ESR1: variants seen among roughly 807,000 people sequenced by gnomAD.
ESR1 encodes the protein estrogen receptor 1.
Under a neutral mutation model 52.7 loss-of-function variants are expected in ESR1, and 12 were observed. That is an observed-to-expected ratio of 0.23 (90% CI 0.15 to 0.37). ESR1 has a LOEUF of 0.37. ESR1 is among the 10% of genes least tolerant of loss of function. The pLI is 1.00. For missense variants in ESR1, 584 were observed against 779.7 expected (o/e 0.75, Z 2.99); for synonymous variants, 305 against 316.8 (o/e 0.96, Z 0.39).
intron 3 of ESR1, among the ~76,000 whole-genome samples, chr6:151,889,814 T>A (rs1285714506): frequency 6.6e-6 from 1 of 152,208 alleles, no homozygotes; most frequent in South Asian, 2.1e-4. Context: ...GAAAATACTC[T>A]TGCTGCATCC....
chr6:152,060,390 A>C (rs1360072123), intron 5 of ESR1, among the ~76,000 whole-genome samples: 1 of 152,090 alleles, frequency 6.6e-6, no homozygotes, highest in African/African-American at 2.4e-5. Context: ...AGGCATTCAC[A>C]TCTCTGCTTG....
At chr6:151,992,018 C>T (rs907344639) in intron 4 of ESR1, among the ~76,000 whole-genome samples, 12 of 152,214 alleles carry the variant, frequency 7.9e-5, no homozygotes, top group East Asian at 1.9e-4. Flanking sequence ...TCTCTGGTGT[C>T]GGGGAAGGCT....
chr6:152,031,106 A>G (rs2044657581), intron 5 of ESR1, among the ~76,000 whole-genome samples: 3 of 152,246 alleles, frequency 2.0e-5, no homozygotes, highest in South Asian at 4.1e-4. Context: ...CAAAGACACA[A>G]CATACCAGAA....
At chr6:151,995,755 CTTGAATCACA>C (rs2041424655) in intron 4 of ESR1, among the ~76,000 whole-genome samples, 1 of 152,114 alleles carries the variant, frequency 6.6e-6, no homozygotes, top group Non-Finnish European at 1.5e-5. Context: ...ATTGAATCAC[CTTGAATCACA>C]ATGAGTACAA....
intron 2 of ESR1, among the ~76,000 whole-genome samples, chr6:151,730,009 T>C (rs746130083): frequency 2.0e-5 from 3 of 152,208 alleles, no homozygotes; most frequent in Non-Finnish European, 4.4e-5. Context: ...GCCTCCATTC[T>C]GAATTGTGCC....
chr6:151,974,194 T>G (rs776910158), intron 4 of ESR1, among the ~76,000 whole-genome samples: 1 of 152,238 alleles, frequency 6.6e-6, no homozygotes, highest in Non-Finnish European at 1.5e-5. Flanking sequence ...TAAAATGTAC[T>G]GAACAGGAAA....
intron 4 of ESR1, among the ~76,000 whole-genome samples, chr6:152,004,049 G>T (rs2042156416): frequency 6.6e-6 from 1 of 151,848 alleles, no homozygotes; most frequent in Admixed American, 6.6e-5. Flanking sequence ...ATTTCTTGAA[G>T]GGCTTTATAA....
At chr6:151,978,426 A>G (rs1323566338) in intron 4 of ESR1, among the ~76,000 whole-genome samples, 2 of 152,328 alleles carry the variant, frequency 1.3e-5, no homozygotes, top group Admixed American at 6.5e-5. Context: ...AAGAGGAGAT[A>G]GTAAAGAGGA....
intron 5 of ESR1, among the ~76,000 whole-genome samples, chr6:152,060,553 C>T (rs962810812): frequency 2.0e-5 from 3 of 152,202 alleles, no homozygotes; most frequent in East Asian, 1.9e-4. Flanking sequence ...ACCATCAGGA[C>T]TTGTTACATT....
chr6:151,657,990 A>G (rs1777513669), intron 1 of ESR1, among the ~76,000 whole-genome samples: 1 of 152,234 alleles, frequency 6.6e-6, no homozygotes, highest in Non-Finnish European at 1.5e-5. Context: ...CCCAAAAAAC[A>G]TTGGAAAATT....
chr6:151,876,924 C>T (rs1339592113), intron 2 of ESR1, among the ~76,000 whole-genome samples: 3 of 151,652 alleles, frequency 2.0e-5, no homozygotes, highest in South Asian at 2.1e-4. Context: ...AAGGACTTTT[C>T]GGGCCAGTCT....
At chr6:151,881,584 A>G (rs1792921433) in intron 3 of ESR1, among the ~76,000 whole-genome samples, 1 of 152,306 alleles carries the variant, frequency 6.6e-6, no homozygotes, top group Middle Eastern at 3.4e-3. Flanking sequence ...CTAGTCTTGG[A>G]TAGCCTTCAG....
At chr6:151,669,513 G>A (rs1777974091) in intron 1 of ESR1, among the ~76,000 whole-genome samples, 1 of 152,132 alleles carries the variant, frequency 6.6e-6, no homozygotes, top group African/African-American at 2.4e-5. Context: ...GGGGAGGTGG[G>A]GTATCAAGTC....
At chr6:151,745,510 A>T (rs1203183582) in intron 2 of ESR1, among the ~76,000 whole-genome samples, 4 of 152,216 alleles carry the variant, frequency 2.6e-5, no homozygotes, top group African/African-American at 9.6e-5. Flanking sequence ...TTTTATGGGT[A>T]GACTAACATT....
At chr6:151,983,599 A>C (rs2040189275) in intron 4 of ESR1, 2 of 152,150 alleles carry the variant, frequency 1.3e-5, no homozygotes, top group Admixed American at 1.3e-4. Flanking sequence ...TCCAATGGAA[A>C]AAAAGCTTTT....
chr6:151,971,410 C>T (rs533790418), intron 4 of ESR1, among the ~76,000 whole-genome samples: 34 of 152,186 alleles, frequency 2.2e-4, no homozygotes, highest in Non-Finnish European at 4.0e-4. Flanking sequence ...ATACCCATAG[C>T]TTAGCTCCCA....
At chr6:151,933,089 T>C (rs1376645739) in intron 3 of ESR1, among the ~76,000 whole-genome samples, 1 of 151,950 alleles carries the variant, frequency 6.6e-6, no homozygotes, top group East Asian at 1.9e-4. Flanking sequence ...CCCATGAGCA[T>C]GGAATGTTCT....
chr6:151,891,513 C>A (rs1026621282), intron 3 of ESR1, among the ~76,000 whole-genome samples: 1 of 152,040 alleles, frequency 6.6e-6, no homozygotes, highest in African/African-American at 2.4e-5. Context: ...TGGTTGTGAT[C>A]AGGCTAATGG....
In ESR1 at chr6:152,099,956, G is replaced by C. The variant is rs772743988; in HGVS notation, c.*990G>C. On this transcript the variant is annotated 3_prime_UTR_variant, in exon 8 of 8. Transcript: ENST00000206249. Reference sequence around the variant, plus strand: ...GTAGTTGAAAGGAGCAGGGGCCCTGGTGTTGCATTTAGCCCTGGGGCATGG... The same window carrying C: ...GTAGTTGAAAGGAGCAGGGGCCCTGCTGTTGCATTTAGCCCTGGGGCATGG... 21 of 398,916 alleles carry C rather than the reference G, an allele frequency of 5.3e-5. No homozygotes were observed. Among genetic ancestry groups the C allele is most frequent in the South Asian group, 2.5e-4 (2 of 7,862 alleles). The allele number at this position is 398,916 out of a possible 1,614,324, so 24.7% of individuals were successfully genotyped here.
Sources: allele counts gnomAD v4.1 joint callset (sites outside exome capture counted in the v4.1 genomes callset), GRCh38; gene constraint gnomAD v4.1.1; transcripts MANE v1.5; gene names NCBI Gene and HGNC (gene_info 2026-07-23, HGNC 2026-07-21).